The following SRGAP2 variants were observed in gnomAD, a reference collection of about 807,000 sequenced individuals.
SRGAP2 encodes SLIT-ROBO Rho GTPase activating protein 2.
SRGAP2 carries 15 observed loss-of-function variants against 57.2 expected under a neutral mutation model. That is an observed-to-expected ratio of 0.26 (90% CI 0.18 to 0.40). The LOEUF (loss-of-function observed/expected upper bound fraction) is 0.40, where lower values mean the gene tolerates loss of function less well. Ranked by LOEUF, SRGAP2 falls within the 10% of genes least tolerant of loss-of-function variation. The probability of loss-of-function intolerance (pLI) is 1.00; values close to 1 mark genes in which losing one functional copy is unlikely to be tolerated. For synonymous variants in SRGAP2, 249 were observed against 248.0 expected (o/e 1.00, Z -0.04); for missense variants, 520 against 669.6 (o/e 0.78, Z 2.47).
At position 206,322,574 on chromosome 1, in the gene SRGAP2, C is replaced by A. The variant is rs1271028081; in HGVS notation, c.260+19101C>A. On this transcript the variant is annotated intron_variant, in intron 3 of 22. Coordinates refer to ENST00000573034, the MANE Select transcript of SRGAP2 (RefSeq NM_015326.5). ...CAGCCTGGGTGACAGACCGAGACTCCATATCAAAAAAAAAAAAAAAAAAAG... is the reference window on the plus strand; with the variant it reads ...CAGCCTGGGTGACAGACCGAGACTCAATATCAAAAAAAAAAAAAAAAAAAG... Among the ~76,000 whole-genome samples the A allele has an allele frequency of 7.3e-5, 8 of 109,182 alleles. No individual in the cohort carries two copies. The East Asian group carries it at 9.1e-4, about 12-fold the overall frequency. 71.6% of individuals were successfully genotyped at this position (109,182 alleles called of 152,430 possible).
intron 5 of SRGAP2, among the ~76,000 whole-genome samples, chr1:206,392,305 C>CT (rs1275116025): frequency 8.7e-6 from 1 of 115,602 alleles, no homozygotes; most frequent in Non-Finnish European, 1.8e-5. Context: ...CCCAGAAAGG[C>CT]TTTGCCCTTG....
intron 2 of SRGAP2, among the ~76,000 whole-genome samples, chr1:206,298,754 A>T (rs1190086200): frequency 6.6e-6 from 1 of 152,250 alleles, no homozygotes; most frequent in East Asian, 1.9e-4. Flanking sequence ...TTAAAAAAAC[A>T]TAATAAGAAA....
At chr1:206,334,815 T>C (rs1674654223) in intron 3 of SRGAP2, among the ~76,000 whole-genome samples, 1 of 149,232 alleles carries the variant, frequency 6.7e-6, no homozygotes, top group Non-Finnish European at 1.5e-5. Flanking sequence ...TCCCAAGGTT[T>C]CATTTATTTT....
At chr1:206,240,191 G>A (rs1218072242) in intron 2 of SRGAP2, among the ~76,000 whole-genome samples, 2 of 151,534 alleles carry the variant, frequency 1.3e-5, no homozygotes, top group African/African-American at 4.9e-5. Context: ...GCTTGAACCC[G>A]GGAGGCAGAG....
chr1:206,392,141 TCTGGATAAAG>T (rs1657037485), intron 5 of SRGAP2, among the ~76,000 whole-genome samples: 1 of 152,112 alleles, frequency 6.6e-6, no homozygotes, highest in Admixed American at 6.5e-5. Context: ...GGGTGTTTGA[TCTGGATAAAG>T]CAGAACAGAC....
intron 3 of SRGAP2, among the ~76,000 whole-genome samples, chr1:206,308,367 AGGTG>A (rs1202304843): frequency 1.3e-4 from 2 of 15,956 alleles, no homozygotes; most frequent in African/African-American, 5.9e-4. Context: ...GTCATGAAGC[AGGTG>A]GGACCTAGGC....
At chr1:206,426,918 C>G (rs1660847254) in intron 13 of SRGAP2, among the ~76,000 whole-genome samples, 1 of 152,162 alleles carries the variant, frequency 6.6e-6, no homozygotes, top group African/African-American at 2.4e-5. Flanking sequence ...TTTAGGTTGT[C>G]TCTTCACTCT....
At chr1:206,401,156 C>T (rs1227643028) in intron 7 of SRGAP2, among the ~76,000 whole-genome samples, 12 of 152,192 alleles carry the variant, frequency 7.9e-5, no homozygotes, top group South Asian at 2.1e-4. Flanking sequence ...TATGAAGTAG[C>T]GCTTAATTAA....
chr1:206,451,611 A>G lies in SRGAP2; in HGVS notation c.2179+1146A>G, dbSNP rs116698544. Among the ~76,000 whole-genome samples the G allele has an allele frequency of 3.1e-3, 465 of 152,162 alleles. 4 individuals are homozygous for G. Among genetic ancestry groups the G allele is most frequent in the African/African-American group, 0.011 (445 of 41,530 alleles). ...AATAGGACTGCTTATTTAGATCCTG[A>G]TGTCATAAGGATCCATATGATCATT... On this transcript the variant is annotated intron_variant, in intron 19 of 22. Transcript: ENST00000573034.
Position 206,418,930 on chromosome 1 carries a change from GTGTGTGTA to G in SRGAP2, c.1442-441_1442-434del, listed in dbSNP as rs1294685275. The stretch of plus-strand genomic sequence containing the variant: ...TGTGTGTGTGTGTGTGTGTGTGTGT[GTGTGTGTA>G]TACTCAGGAGCAAGTAAACTTGGCC... On this transcript the variant is annotated intron_variant, in intron 11 of 22. Coordinates refer to ENST00000573034, the MANE Select transcript of SRGAP2 (RefSeq NM_015326.5). Among the ~76,000 whole-genome samples, 503 of 147,996 alleles carry G rather than the reference GTGTGTGTA, an allele frequency of 3.4e-3. 3 individuals carry two copies. The highest frequency in any genetic ancestry group is 0.014 in the East Asian group (69 of 5,084).
intron 4 of SRGAP2, among the ~76,000 whole-genome samples, chr1:206,359,514 A>T (rs1413225413): frequency 4.5e-5 from 3 of 66,878 alleles, no homozygotes. Context: ...GAGGAAAGAC[A>T]TTATAGACAG....
intron 2 of SRGAP2, among the ~76,000 whole-genome samples, chr1:206,289,331 G>C (rs1391557251): frequency 6.9e-6 from 1 of 145,156 alleles, no homozygotes; most frequent in Admixed American, 6.8e-5. Flanking sequence ...GGAGTGCAGT[G>C]GTGCCATCTC....
chr1:206,461,245 C>T lies in SRGAP2; in HGVS notation c.3041C>T (p.Thr1014Ile). The T allele has an allele frequency of 1.3e-6, 1 of 780,896 alleles. No homozygotes were observed. The allele number at this position is 780,896 out of a possible 1,614,324, so 48.4% of individuals were successfully genotyped here. A position where few individuals can be genotyped will look rare whatever the true frequency, so the allele number is the denominator to read the frequency against. The change falls in exon 23 of 23, where the codon ACT (threonine) becomes ATT (isoleucine). Residue 1014 changes from threonine to isoleucine, a missense_variant. Thr to Ile is a moderately conservative substitution (Grantham distance 89, BLOSUM62 -1). Transcript: ENST00000573034. ...CCCGCCTTCCAGCGCAGCGCCAGTA[C>T]TGCTGGGGACATCGCCTGCGCCTTC... is the stretch of plus-strand genomic sequence containing the variant. ...PEPAFQRSAS[T>I]AGDIACAFRP...
Position 206,453,325 on chromosome 1 carries a change from C to T in SRGAP2, c.2305C>T (p.Arg769Trp). 3 of 756,648 alleles carry T rather than the reference C, an allele frequency of 4.0e-6. No individual in the cohort carries two copies. The highest frequency in any genetic ancestry group is 1.4e-5 in the South Asian group (1 of 72,050). The allele number at this position is 756,648 out of a possible 1,614,324, so 46.9% of individuals were successfully genotyped here. A position where few individuals can be genotyped will look rare whatever the true frequency, so the allele number is the denominator to read the frequency against. The change falls in exon 20 of 23, where the codon CGG becomes TGG. Residue 769 changes from arginine (R) to tryptophan (W), a missense_variant. Transcript: ENST00000573034. ...QRASDDWWEGRHNGIDGLIPH... is the reference protein window; with the variant it reads ...QRASDDWWEGWHNGIDGLIPH... ...GGCTTCCGACGACTGGTGGGAAGGC[C>T]GGCACAATGGCATCGACGGACTCAT...
At chr1:206,418,173 C>T (rs1659912684) in intron 11 of SRGAP2, among the ~76,000 whole-genome samples, 1 of 152,028 alleles carries the variant, frequency 6.6e-6, no homozygotes. Context: ...GTTTTTGTCA[C>T]CATGATGCAG....
Position 206,454,130 on chromosome 1 carries a change from A to G in SRGAP2, c.2361-748A>G, listed in dbSNP as rs1553377346. On this transcript the variant is annotated intron_variant, in intron 20 of 22. Coordinates refer to ENST00000573034, the MANE Select transcript of SRGAP2 (RefSeq NM_015326.5). The surrounding 1 kb of genome is among the most constrained non-coding windows in gnomAD (Gnocchi z 4.3). ...CAGTGTTTTTAGTCCTTCCCTTAAT[A>G]TTATTTTTTAAAGGTTGATATCCTG... is the stretch of plus-strand genomic sequence containing the variant. 2 of 702,212 alleles carry G rather than the reference A, an allele frequency of 2.8e-6. No individual in the cohort carries two copies. Among genetic ancestry groups the G allele is most frequent in the East Asian group, 5.4e-5 (2 of 37,268 alleles). The allele number at this position is 702,212 out of a possible 1,614,324, so 43.5% of individuals were successfully genotyped here.
At chr1:206,440,561 T>C (rs149968288) in intron 17 of SRGAP2, among the ~76,000 whole-genome samples, 1 of 152,096 alleles carries the variant, frequency 6.6e-6, no homozygotes, top group Non-Finnish European at 1.5e-5. Flanking sequence ...TTCTTTTTTT[T>C]TTTTTGAGAC....
chr1:206,408,792 G>A (rs1195516069), intron 10 of SRGAP2, among the ~76,000 whole-genome samples: 7 of 150,942 alleles, frequency 4.6e-5, no homozygotes, highest in Non-Finnish European at 8.8e-5. Flanking sequence ...TGGTAACCTC[G>A]CAAATCCTGC....
intron 3 of SRGAP2, among the ~76,000 whole-genome samples, chr1:206,325,397 G>A (rs1219884896): frequency 6.6e-6 from 1 of 151,524 alleles, no homozygotes. Flanking sequence ...GGGCTGGAGT[G>A]TAATGGCGCC....
Sources: allele counts gnomAD v4.1 joint callset (sites outside exome capture counted in the v4.1 genomes callset), GRCh38; gene constraint gnomAD v4.1.1; non-coding constraint Gnocchi (gnomAD v3.1); transcripts MANE v1.5; gene names NCBI Gene and HGNC (gene_info 2026-07-23, HGNC 2026-07-21).